Variants in UQCR11 observed in about 807,000 individuals in gnomAD.
UQCR11 encodes cytochrome b-c1 complex subunit 10.
A neutral mutation model predicts 7.6 loss-of-function variants in UQCR11; 10 were observed. The ratio of observed to expected loss-of-function variants is 1.31; its 90% CI spans 0.81 to 2.22. The LOEUF (loss-of-function observed/expected upper bound fraction) is 2.22, where lower values mean the gene tolerates loss of function less well. Ranked by LOEUF, UQCR11 falls within the 30% of genes most tolerant of loss-of-function variation. The pLI, the probability that UQCR11 is intolerant of heterozygous loss-of-function variation, is 0.00. For missense variants in UQCR11, 86 were observed against 75.1 expected, an observed-to-expected ratio of 1.15 and a Z score of -0.54; for synonymous variants, 34 against 34.9, an observed-to-expected ratio of 0.97 and a Z score of 0.09.
chr19:1,598,802 G>T, intron 2 of UQCR11: 1 of 153,776 alleles, frequency 6.5e-6, no homozygotes, highest in South Asian at 2.0e-4. Flanking sequence ...CACAGGCCCC[G>T]GGCTCCACGC....
Position 1,599,418 on chromosome 19 carries a change from A to T in UQCR11, c.*22T>A. The stretch of plus-strand genomic sequence containing the variant: ...GCAGCCCACTGAAACTTACCAGAGC[A>T]GTCTGTGAAGGGTTTGTGTAATTAA... On this transcript the variant is annotated 3_prime_UTR_variant, in exon 2 of 3. Transcript: ENST00000591899. 6.2e-7 allele frequency: 1 copy of T among 1,613,012 alleles called. No individual in the cohort carries two copies. The highest frequency in any genetic ancestry group is 1.1e-5 in the South Asian group (1 of 91,066).
chr19:1,603,351 C>T (rs1021134525), intron 1 of UQCR11, among the ~76,000 whole-genome samples: 1 of 152,166 alleles, frequency 6.6e-6, no homozygotes, highest in Admixed American at 6.5e-5. Context: ...GCCTGTAATC[C>T]CAGAACTTTG....
At chr19:1,599,662 G>A in intron 1 of UQCR11, 102 bp from the exon 2 acceptor site, 1 of 1,501,840 alleles carries the variant, frequency 6.7e-7, no homozygotes, top group East Asian at 2.4e-5. Flanking sequence ...TGGCTGAGGT[G>A]CGGGCCTGGC....
intron 1 of UQCR11, 68 bp from the exon 2 acceptor site, chr19:1,599,628 C>T: frequency 6.3e-7 from 1 of 1,582,756 alleles, no homozygotes; most frequent in Non-Finnish European, 8.5e-7. Context: ...CCTGCCCACC[C>T]CGGCCCCCCG....
intron 1 of UQCR11, among the ~76,000 whole-genome samples, chr19:1,603,688 T>C (rs1256184788): frequency 2.6e-5 from 4 of 152,164 alleles, no homozygotes; most frequent in African/African-American, 9.7e-5. Context: ...CCGCTGTGAC[T>C]GAACACAGAA....
chr19:1,604,557 T>C (rs1349740946), intron 1 of UQCR11, among the ~76,000 whole-genome samples: 1 of 149,816 alleles, frequency 6.7e-6, no homozygotes, highest in Non-Finnish European at 1.5e-5. Flanking sequence ...GGACACAGTC[T>C]CATTCTGTCA....
rs182215097 is a variant in UQCR11 at position 1,599,905 on chromosome 19, C to G, written c.51-345G>C. ...AGAAATTCATCCATCCCTGCCACAG[C>G]TGCAGGACTCAGGCAGGTGCCGCCA... On this transcript the variant is annotated intron_variant, in intron 1 of 2. Transcript: ENST00000591899. Among the ~76,000 whole-genome samples, 476 of 152,384 alleles carry G rather than the reference C, an allele frequency of 3.1e-3. 3 individuals are homozygous for G. Among genetic ancestry groups the G allele is most frequent in the Non-Finnish European group, 5.2e-3 (354 of 68,034 alleles).
intron 1 of UQCR11, among the ~76,000 whole-genome samples, chr19:1,603,706 A>G (rs933224837): frequency 6.6e-6 from 1 of 152,208 alleles, no homozygotes; most frequent in African/African-American, 2.4e-5. Context: ...GAAGAAGCAG[A>G]CCTGCTGCAC....
chr19:1,598,709 C>T (rs2060738425), intron 2 of UQCR11, among the ~76,000 whole-genome samples: 1 of 151,170 alleles, frequency 6.6e-6, no homozygotes, highest in Non-Finnish European at 1.5e-5. Flanking sequence ...GACTCCGTCT[C>T]AAAAAAAAAG....
At chr19:1,603,176 C>T (rs2060752088) in intron 1 of UQCR11, among the ~76,000 whole-genome samples, 1 of 152,236 alleles carries the variant, frequency 6.6e-6, no homozygotes, top group Non-Finnish European at 1.5e-5. Flanking sequence ...GCACCCCTTC[C>T]TCTCCCGCTT....
chr19:1,602,185 C>T (rs1475799932), intron 1 of UQCR11: 1 of 152,158 alleles, frequency 6.6e-6, no homozygotes, highest in African/African-American at 2.4e-5. Context: ...ATCCGATTCA[C>T]CTCCCTGGAT....
At position 1,598,218 on chromosome 19, in the gene UQCR11, G is replaced by A. The variant is rs184594441; in HGVS notation, c.*29-3C>T. ...GAGGAGCTAGCACCACCAGGCACCTGGAGGGAGAGCAGACGAGGCAGGGTG... is the reference window on the plus strand; with the variant it reads ...GAGGAGCTAGCACCACCAGGCACCTAGAGGGAGAGCAGACGAGGCAGGGTG... On this transcript the variant is annotated splice_polypyrimidine_tract_variant and splice_region_variant and intron_variant, in intron 2 of 2. Coordinates refer to ENST00000591899, the MANE Select transcript of UQCR11 (RefSeq NM_006830.4). 4.5e-3 allele frequency: 694 copies of A among 152,536 alleles called. 5 individuals carry two copies. The highest frequency in any genetic ancestry group is 0.01 in the Middle Eastern group (3 of 298). The allele number at this position is 152,536 out of a possible 1,614,324, so 9.4% of individuals were successfully genotyped here.
rs149129277 is a variant in UQCR11, at chr19:1,600,443, G to A, written c.51-883C>T. Among the ~76,000 whole-genome samples the A allele has an allele frequency of 4.4e-3, 668 of 152,188 alleles. 6 individuals carry two copies. The highest frequency in any genetic ancestry group is 0.015 in the African/African-American group (626 of 41,528). ...TTAGCCAGGATGGTCTCAATCTCCT[G>A]ACCTCGTGATCCGCCCGCCTCGGCC... On this transcript the variant is annotated intron_variant, in intron 1 of 2. Transcript: ENST00000591899.
rs780373094 is a variant in UQCR11 at position 1,599,523 on chromosome 19, C to T, written c.88G>A (p.Val30Met). 1.2e-5 allele frequency: 20 copies of T among 1,612,774 alleles called. No homozygotes were observed. The highest frequency in any genetic ancestry group is 9.9e-5 in the South Asian group (9 of 91,090). Residue 30 changes from valine (V) to methionine (M), a missense_variant, in exon 2 of 3, where the codon GTG (valine) becomes ATG (methionine). Physicochemically the swap from Val to Met is conservative, Grantham distance 21 (BLOSUM62 1). Coordinates refer to ENST00000591899, the MANE Select transcript of UQCR11 (RefSeq NM_006830.4). ...CAATCGGTGGCCCACACCAGCCCCA[C>T]GGCGCCCACAGCGCCCCATGTGTAG... ...TAYTWGAVGA[V>M]GLVWATDWRL... is the part of the protein sequence containing the mutation.
intron 1 of UQCR11, among the ~76,000 whole-genome samples, chr19:1,603,207 A>G (rs937751966): frequency 6.6e-6 from 1 of 152,120 alleles, no homozygotes; most frequent in Non-Finnish European, 1.5e-5. Flanking sequence ...GGTCAGCCCC[A>G]CACCACAGGT....
In UQCR11 at chr19:1,605,447, C is replaced by T. The variant is rs199640241; in HGVS notation, c.-38G>A. On this transcript the variant is annotated 5_prime_UTR_variant, in exon 1 of 3. Coordinates refer to ENST00000591899, the MANE Select transcript of UQCR11 (RefSeq NM_006830.4). ...GCACCCTCAGGATGACCCTGTCCAG[C>T]TGACCCGGCTACACTGCGCAGGCGC... 6.9e-7 allele frequency: 1 copy of T among 1,452,368 alleles called. No homozygotes were observed. The highest frequency in any genetic ancestry group is 3.1e-5 in the East Asian group (1 of 32,034). The allele number at this position is 1,452,368 out of a possible 1,614,324, so 90.0% of individuals were successfully genotyped here.
intron 1 of UQCR11, among the ~76,000 whole-genome samples, chr19:1,603,599 T>G (rs2060753302): frequency 6.6e-6 from 1 of 152,114 alleles, no homozygotes; most frequent in African/African-American, 2.4e-5. Context: ...AGAGCAAGAC[T>G]CCGTCTCTAA....
At chr19:1,599,663 C>A in intron 1 of UQCR11, 103 bp from the exon 2 acceptor site, 2 of 1,498,784 alleles carry the variant, frequency 1.3e-6, no homozygotes, top group Non-Finnish European at 1.8e-6. Context: ...GGCTGAGGTG[C>A]GGGCCTGGCA....
intron 1 of UQCR11, among the ~76,000 whole-genome samples, chr19:1,603,942 C>A (rs762377481): frequency 3.3e-5 from 5 of 152,176 alleles, no homozygotes; most frequent in Non-Finnish European, 5.9e-5. Context: ...CAATCATAAG[C>A]CTTTGCTTTT....
Sources: allele counts gnomAD v4.1 joint callset (sites outside exome capture counted in the v4.1 genomes callset), GRCh38; gene constraint gnomAD v4.1.1; transcripts MANE v1.5; gene names NCBI Gene and HGNC (gene_info 2026-07-23, HGNC 2026-07-21).